The following BCL9 variants were observed in gnomAD, a reference collection of about 807,000 sequenced individuals.
The protein encoded by BCL9 is B-cell CLL/lymphoma 9 protein.
In BCL9, 25 loss-of-function variants were observed where a neutral mutation model predicts 88.5. That is an observed-to-expected ratio of 0.28 (90% CI 0.21 to 0.39). BCL9 has a LOEUF of 0.39. Among genes scored for constraint, BCL9 ranks in the 10% least tolerant of loss-of-function variants. BCL9 has a pLI of 1.00. For missense variants in BCL9, 1,817 were observed against 1,877.8 expected (o/e 0.97, Z 0.60); for synonymous variants, 711 against 673.3 (o/e 1.06, Z -0.87).
intron 3 of BCL9, 64 bp downstream of exon 3, chr1:147,606,930 A>C (rs1382741301): frequency 6.6e-6 from 1 of 152,502 alleles, no homozygotes; most frequent in African/African-American, 2.4e-5. Flanking sequence ...GAGCTTAGGG[A>C]AAAGCTTCAG....
intron 5 of BCL9, among the ~76,000 whole-genome samples, chr1:147,613,888 A>G (rs587717861): frequency 6.6e-6 from 1 of 152,302 alleles, no homozygotes; most frequent in Admixed American, 6.5e-5. Flanking sequence ...GAATGGAAGT[A>G]TGATTTTCCA....
intron 1 of BCL9, among the ~76,000 whole-genome samples, chr1:147,558,884 G>T (rs1655240947): frequency 6.6e-6 from 1 of 152,150 alleles, no homozygotes; most frequent in Admixed American, 6.5e-5. Flanking sequence ...ACTTCTCTGG[G>T]TGCAGCCTGA....
intron 6 of BCL9, among the ~76,000 whole-genome samples, chr1:147,615,524 C>G (rs1658233081): frequency 6.6e-6 from 1 of 152,202 alleles, no homozygotes; most frequent in Non-Finnish European, 1.5e-5. Context: ...AAAACACCTA[C>G]CACAGCGGAT....
At chr1:147,612,074 T>C (rs1658034101) in intron 4 of BCL9, among the ~76,000 whole-genome samples, 185 bp downstream of exon 4, 1 of 152,202 alleles carries the variant, frequency 6.6e-6, no homozygotes, top group Non-Finnish European at 1.5e-5. Flanking sequence ...TCAAAGCTTA[T>C]GTTAGAGTTT....
rs782171652 is a variant in BCL9 at position 147,619,182 on chromosome 1, A to C, written c.1027A>C (p.Thr343Pro). 1 of 1,613,490 alleles carries C rather than the reference A, an allele frequency of 6.2e-7. No individual in the cohort carries two copies. Among genetic ancestry groups the C allele is most frequent in the Non-Finnish European group, 8.5e-7 (1 of 1,179,702 alleles). Residue 343 changes from threonine (T) to proline (P), a missense_variant, in exon 8 of 10, where the codon ACA becomes CCA. By Grantham distance (38) the Thr-to-Pro change is conservative. Coordinates refer to ENST00000234739, the MANE Select transcript of BCL9 (RefSeq NM_004326.4). The surrounding 1 kb of genome is among the most constrained non-coding windows in gnomAD (Gnocchi z 4.1). ...PPPVSSGEPP[T>P]LGENPDGLSQ... Reference sequence around the variant, plus strand: ...ACCAGTGTCCAGTGGCGAGCCCCCCACACTGGGAGAGAATCCCGATGGCCT... The same window carrying C: ...ACCAGTGTCCAGTGGCGAGCCCCCCCCACTGGGAGAGAATCCCGATGGCCT...
At chr1:147,581,302 A>G (rs2101550260) in intron 1 of BCL9, among the ~76,000 whole-genome samples, 1 of 152,352 alleles carries the variant, frequency 6.6e-6, no homozygotes, top group African/African-American at 2.4e-5. Flanking sequence ...CTATACGCTA[A>G]TTGTGTGTAG....
chr1:147,573,448 T>C (rs1655972387), intron 1 of BCL9, among the ~76,000 whole-genome samples: 1 of 151,950 alleles, frequency 6.6e-6, no homozygotes, highest in Non-Finnish European at 1.5e-5. Context: ...AGTGAAACTC[T>C]GTCTCAAAAA....
chr1:147,566,877 T>G (rs2101517178), intron 1 of BCL9, among the ~76,000 whole-genome samples: 1 of 152,328 alleles, frequency 6.6e-6, no homozygotes, highest in East Asian at 1.9e-4. Context: ...GAGGGAATGC[T>G]AGGTGGAAGC....
chr1:147,619,751 G>A lies in BCL9; in HGVS notation c.1596G>A (p.Glu532=), dbSNP rs1190278143. 4 of 1,613,928 alleles carry A rather than the reference G, an allele frequency of 2.5e-6. No homozygotes were observed. The African/African-American group carries it at 5.3e-5, about 22-fold the overall frequency. The change falls in exon 8 of 10, where the codon GAG becomes GAA. Residue 532 remains glutamate, a synonymous_variant. Transcript: ENST00000234739. The surrounding 1 kb of genome is among the most constrained non-coding windows in gnomAD (Gnocchi z 4.1). Reference sequence around the variant, plus strand: ...AAGGCTGGGCACCTGGGGGTACAGAGCCATTTTCTGATGGTATCAACATGC... The same window carrying A: ...AAGGCTGGGCACCTGGGGGTACAGAACCATTTTCTGATGGTATCAACATGC... ...PSEGWAPGGT[E]PFSDGINMPH... is the part of the protein sequence containing the mutation.
At chr1:147,570,840 G>A (rs1471632573) in intron 1 of BCL9, among the ~76,000 whole-genome samples, 2 of 151,920 alleles carry the variant, frequency 1.3e-5, no homozygotes, top group Non-Finnish European at 2.9e-5. Context: ...TCTCCATGTT[G>A]GTCAGGCTGG....
intron 6 of BCL9, 149 bp downstream of exon 6, chr1:147,614,765 C>G (rs1658187845): frequency 2.4e-6 from 2 of 824,094 alleles, no homozygotes; most frequent in Non-Finnish European, 3.6e-6. Flanking sequence ...CCCCCAGAGG[C>G]AACCACTGAT....
intron 1 of BCL9, among the ~76,000 whole-genome samples, chr1:147,545,207 G>A (rs1654500850): frequency 6.6e-6 from 1 of 152,162 alleles, no homozygotes; most frequent in Admixed American, 6.5e-5. Flanking sequence ...CCACATTGTA[G>A]CAACAACCTA....
intron 1 of BCL9, among the ~76,000 whole-genome samples, chr1:147,596,851 T>C (rs1657079579): frequency 6.6e-6 from 1 of 152,102 alleles, no homozygotes; most frequent in East Asian, 1.9e-4. Flanking sequence ...GATGAATCGG[T>C]AATAAATATT....
chr1:147,565,270 G>A (rs1655550340), intron 1 of BCL9, among the ~76,000 whole-genome samples: 1 of 152,120 alleles, frequency 6.6e-6, no homozygotes, highest in South Asian at 2.1e-4. Context: ...AGCTCAAAGA[G>A]GCAAAATCAC....
In BCL9 at chr1:147,624,768, G is replaced by C. The variant is rs1553206233; in HGVS notation, c.4090G>C (p.Gly1364Arg). 6.2e-7 allele frequency: 1 copy of C among 1,614,102 alleles called. No individual in the cohort carries two copies. The highest frequency in any genetic ancestry group is 8.5e-7 in the Non-Finnish European group (1 of 1,179,986). Residue 1364 changes from glycine (G) to arginine (R), a missense_variant, in exon 10 of 10, where the codon GGG (glycine) becomes CGG (arginine). By Grantham distance (125) the Gly-to-Arg change is moderately radical. Around this residue, in one of 2 missense-constraint regions of BCL9, gnomAD observed 589 missense variants for 686.2 expected, o/e 0.86. Coordinates refer to ENST00000234739, the MANE Select transcript of BCL9 (RefSeq NM_004326.4). The surrounding 1 kb of genome is among the most constrained non-coding windows in gnomAD (Gnocchi z 4.4). The stretch of plus-strand genomic sequence containing the variant: ...GGGCATGATTCCTGGCAAGGATCGG[G>C]GGCCTGCCGGGCTCTACACCCACCC... ...AVGMIPGKDR[G>R]PAGLYTHPGP...
chr1:147,577,524 T>G (rs1393116104), intron 1 of BCL9, among the ~76,000 whole-genome samples: 1 of 152,186 alleles, frequency 6.6e-6, no homozygotes, highest in African/African-American at 2.4e-5. Flanking sequence ...AGGTATCATC[T>G]AAGACCACAG....
At chr1:147,552,465 G>A (rs947157397) in intron 1 of BCL9, among the ~76,000 whole-genome samples, 5 of 152,068 alleles carry the variant, frequency 3.3e-5, no homozygotes, top group Non-Finnish European at 7.4e-5. Flanking sequence ...AATTAGCCAG[G>A]CGTGGTGGCG....
In BCL9 at chr1:147,619,836, C is replaced by T. The variant is rs375006061; in HGVS notation, c.1681C>T (p.Arg561Cys). ...PHPNMPGSQMRLPGFAGMINS... is the reference protein window; with the variant it reads ...PHPNMPGSQMCLPGFAGMINS... ...CCCCAACATGCCAGGGAGCCAGATG[C>T]GCCTCCCTGGATTTGCAGGCATGAT... Residue 561 changes from arginine (R) to cysteine (C), a missense_variant, in exon 8 of 10, where the codon CGC (arginine) becomes TGC (cysteine). Physicochemically the swap from Arg to Cys is radical, Grantham distance 180 (BLOSUM62 -3). Coordinates refer to ENST00000234739, the MANE Select transcript of BCL9 (RefSeq NM_004326.4). This position sits in a 1 kb window ranked among gnomAD's most constrained non-coding sequence, Gnocchi z 4.1. 1.7e-5 allele frequency: 27 copies of T among 1,614,022 alleles called. No homozygotes were observed. The highest frequency in any genetic ancestry group is 2.2e-5 in the Non-Finnish European group (26 of 1,180,042).
intron 1 of BCL9, among the ~76,000 whole-genome samples, chr1:147,603,209 G>T (rs1437290935): frequency 6.6e-6 from 1 of 152,152 alleles, no homozygotes; most frequent in Non-Finnish European, 1.5e-5. Flanking sequence ...TTGTTCTGTT[G>T]TTTGGGTTTT....
Sources: allele counts gnomAD v4.1 joint callset (sites outside exome capture counted in the v4.1 genomes callset), GRCh38; gene constraint gnomAD v4.1.1; regional missense constraint gnomAD v4.1.1; non-coding constraint Gnocchi (gnomAD v3.1); transcripts MANE v1.5; gene names NCBI Gene and HGNC (gene_info 2026-07-23, HGNC 2026-07-21).